The following NUGGC variants were observed in gnomAD, a reference collection of about 807,000 sequenced individuals.
NUGGC encodes the protein nuclear GTPase, germinal center associated.
NUGGC carries 58 observed loss-of-function variants against 92.6 expected under a neutral mutation model. That is an observed-to-expected ratio of 0.63 (90% CI 0.51 to 0.78). The LOEUF is 0.78. NUGGC is among the 30% of genes least tolerant of loss of function. The pLI is 0.00. For synonymous variants in NUGGC, 376 were observed against 366.4 expected, an observed-to-expected ratio of 1.03 and a Z score of -0.30; for missense variants, 925 against 964.6, an observed-to-expected ratio of 0.96 and a Z score of 0.54.
At chr8:28,081,601 G>A (rs1306244410) in intron 1 of NUGGC, among the ~76,000 whole-genome samples, 1 of 152,104 alleles carries the variant, frequency 6.6e-6, no homozygotes, top group East Asian at 1.9e-4. Flanking sequence ...TCGATCAGCT[G>A]GGTGCAGTGG....
intron 10 of NUGGC, among the ~76,000 whole-genome samples, chr8:28,053,030 G>T (rs1810044803): frequency 6.6e-6 from 1 of 152,100 alleles, no homozygotes; most frequent in South Asian, 2.1e-4. Context: ...TGTAGATGAA[G>T]GTGGGTTGTG....
chr8:28,067,261 C>T (rs1402207446), intron 6 of NUGGC, among the ~76,000 whole-genome samples: 1 of 152,226 alleles, frequency 6.6e-6, no homozygotes, highest in Admixed American at 6.5e-5. Context: ...CCCAAACTAT[C>T]CCTAATTATT....
chr8:28,029,300 TG>T lies in NUGGC; in HGVS notation c.2119del (p.Gln707ArgfsTer11). ...CTGAAACTGGTGCTGCATCCTTTCC[TG>T]GGCCCTTTCAAACATGCCCTCAGCC... Reference protein sequence around the residue: ...QVAEGMFERAQERMQHQFQQL... With the variant: ...QVAEGMFERAXERMQHQFQQL... On this transcript the variant is annotated frameshift_variant, in exon 17 of 19. Coordinates refer to ENST00000413272, the MANE Select transcript of NUGGC (RefSeq NM_001010906.2). LOFTEE classifies it high-confidence loss of function. 6.2e-7 allele frequency: 1 copy of T among 1,607,808 alleles called. No individual in the cohort carries two copies. The highest frequency in any genetic ancestry group is 8.5e-7 in the Non-Finnish European group (1 of 1,177,142).
intron 4 of NUGGC, among the ~76,000 whole-genome samples, chr8:28,068,877 C>T (rs1289377242): frequency 6.6e-6 from 1 of 152,174 alleles, no homozygotes; most frequent in East Asian, 1.9e-4. Context: ...GCTGGAACTA[C>T]AGGCGTGCTC....
chr8:28,024,703 G>A (rs11787294), intron 18 of NUGGC, among the ~76,000 whole-genome samples: 62,998 of 151,930 alleles, frequency 0.41, 15,532 homozygotes, highest in Middle Eastern at 0.55. Context: ...TGGGACTCAT[G>A]AGCAGAGGGG....
At chr8:28,062,038 T>A (rs945664519) in intron 7 of NUGGC, among the ~76,000 whole-genome samples, 4 of 152,286 alleles carry the variant, frequency 2.6e-5, no homozygotes, top group Non-Finnish European at 5.9e-5. Flanking sequence ...TCTGGTTGAA[T>A]TGGGAGTGCA....
At chr8:28,054,656 G>A (rs1162774745) in intron 10 of NUGGC, among the ~76,000 whole-genome samples, 3 of 152,012 alleles carry the variant, frequency 2.0e-5, no homozygotes, top group Admixed American at 6.6e-5. Flanking sequence ...CCTGTCATTC[G>A]CCAAACACAG....
chr8:28,065,181 GAC>G (rs1321195258), intron 6 of NUGGC, among the ~76,000 whole-genome samples: 18 of 90,204 alleles, frequency 2.0e-4, no homozygotes, highest in Admixed American at 3.1e-4. Flanking sequence ...TTTTTTTTGA[GAC>G]AGAGTCTTGC....
intron 18 of NUGGC, among the ~76,000 whole-genome samples, chr8:28,025,983 C>T (rs1809249725): frequency 6.6e-6 from 1 of 152,186 alleles, no homozygotes; most frequent in Admixed American, 6.5e-5. Flanking sequence ...CACATACAAA[C>T]ATATACATAT....
At chr8:28,081,626 C>T (rs749984063) in intron 1 of NUGGC, among the ~76,000 whole-genome samples, 1 of 152,112 alleles carries the variant, frequency 6.6e-6, no homozygotes, top group Non-Finnish European at 1.5e-5. Flanking sequence ...CACCTGTAAT[C>T]CCAACATTTT....
chr8:28,036,524 A>G (rs1021713438), intron 13 of NUGGC, among the ~76,000 whole-genome samples: 1 of 152,160 alleles, frequency 6.6e-6, no homozygotes, highest in South Asian at 2.1e-4. Context: ...TTCCACCTCC[A>G]TGAAACAGTA....
intron 10 of NUGGC, among the ~76,000 whole-genome samples, chr8:28,048,028 C>T (rs530251041): frequency 1.3e-5 from 2 of 152,346 alleles, no homozygotes; most frequent in South Asian, 4.1e-4. Flanking sequence ...CTTTCCTACT[C>T]TGCATTCAGT....
chr8:28,074,315 T>C, intron 2 of NUGGC, 53 bp downstream of exon 2: 4 of 1,253,468 alleles, frequency 3.2e-6, no homozygotes, highest in East Asian at 2.3e-5. Context: ...TTTTATCCTA[T>C]ATCAGTAATC....
At position 28,047,552 on chromosome 8, in the gene NUGGC, C is replaced by T. The variant is rs866585218; in HGVS notation, c.1267G>A (p.Ala423Thr). 7.6e-6 allele frequency: 12 copies of T among 1,569,856 alleles called. No homozygotes were observed. The East Asian group carries it at 1.6e-4, about 21-fold the overall frequency. Residue 423 changes from alanine (A) to threonine (T), a missense_variant, in exon 11 of 19, where the codon GCC (alanine) becomes ACC (threonine). Ala to Thr is a moderately conservative substitution (Grantham distance 58). Transcript: ENST00000413272. ...AGAGCCTGCTGCCAGTACTCCTGGG[C>T]GCTGACTGTATACACCAGATCTGAG... Reference protein sequence around the residue: ...EASDLVYTVSAQEYWQQALLT... With the variant: ...EASDLVYTVSTQEYWQQALLT...
At chr8:28,042,888 C>A (rs1250970821) in intron 12 of NUGGC, among the ~76,000 whole-genome samples, 1 of 152,228 alleles carries the variant, frequency 6.6e-6, no homozygotes, top group Admixed American at 6.5e-5. Flanking sequence ...TGATTCTCAA[C>A]GGTATCATCT....
chr8:28,054,738 T>C (rs1585580281), intron 10 of NUGGC, among the ~76,000 whole-genome samples: 1 of 151,990 alleles, frequency 6.6e-6, no homozygotes, highest in Non-Finnish European at 1.5e-5. Context: ...TACTAAAGAC[T>C]ACAGCTTCTT....
intron 7 of NUGGC, among the ~76,000 whole-genome samples, chr8:28,063,167 G>A (rs907151442): frequency 6.6e-6 from 1 of 152,168 alleles, no homozygotes; most frequent in African/African-American, 2.4e-5. Flanking sequence ...TCCCTGCAGA[G>A]GGGGGTCTTG....
At chr8:28,036,943 C>T (rs1438328513) in intron 13 of NUGGC, among the ~76,000 whole-genome samples, 1 of 152,210 alleles carries the variant, frequency 6.6e-6, no homozygotes, top group Non-Finnish European at 1.5e-5. Flanking sequence ...GTAACCACGC[C>T]ACATGAGGTG....
intron 10 of NUGGC, among the ~76,000 whole-genome samples, chr8:28,048,458 G>T (rs1809900475): frequency 6.6e-6 from 1 of 152,052 alleles, no homozygotes; most frequent in Non-Finnish European, 1.5e-5. Context: ...CAAAGAGCTA[G>T]TTGTTAAACA....
Sources: allele counts gnomAD v4.1 joint callset (sites outside exome capture counted in the v4.1 genomes callset), GRCh38; gene constraint gnomAD v4.1.1; transcripts MANE v1.5; gene names NCBI Gene and HGNC (gene_info 2026-07-23, HGNC 2026-07-21).